CACNA1C: variants seen among roughly 807,000 people sequenced by gnomAD.
CACNA1C encodes voltage-dependent L-type calcium channel subunit alpha-1C.
In CACNA1C, 30 loss-of-function variants were observed where a neutral mutation model predicts 229.0. The ratio of observed to expected loss-of-function variants is 0.13; its 90% CI spans 0.10 to 0.18. The LOEUF (loss-of-function observed/expected upper bound fraction) is 0.18. Ranked by LOEUF, CACNA1C falls within the 10% of genes least tolerant of loss-of-function variation. CACNA1C has a pLI of 1.00. For synonymous variants in CACNA1C, 1,114 were observed against 1,132.5 expected (o/e 0.98, Z 0.33); for missense variants, 1,658 against 2,845.0 (o/e 0.58, Z 9.49).
At chr12:2,227,952 C>G (rs2063510955) in intron 3 of CACNA1C, among the ~76,000 whole-genome samples, 1 of 152,166 alleles carries the variant, frequency 6.6e-6, no homozygotes, top group Non-Finnish European at 1.5e-5. Flanking sequence ...AACAACTGCC[C>G]TGACCTGGTG....
chr12:2,495,073 A>G (rs1482747371), intron 7 of CACNA1C, among the ~76,000 whole-genome samples: 1 of 152,238 alleles, frequency 6.6e-6, no homozygotes, highest in African/African-American at 2.4e-5. Flanking sequence ...AAAGAAGACA[A>G]AGGTCAGAAC....
chr12:2,128,742 G>C (rs963087256), intron 3 of CACNA1C, among the ~76,000 whole-genome samples: 6 of 152,192 alleles, frequency 3.9e-5, no homozygotes, highest in African/African-American at 7.2e-5. Flanking sequence ...ACTTCTCCAA[G>C]CCTCTAACAC....
rs1019730807 is a variant in CACNA1C at position 2,054,008 on chromosome 12, G to A, written c.49+397G>A. 1.4e-5 allele frequency among the ~76,000 whole-genome samples: 2 copies of A among 147,502 alleles called. No homozygotes were observed. Among genetic ancestry groups the A allele is most frequent in the Non-Finnish European group, 3.0e-5 (2 of 66,408 alleles). On this transcript the variant is annotated intron_variant, in intron 1 of 46. Transcript: ENST00000399655. The surrounding 1 kb of genome is among the most constrained non-coding windows in gnomAD (Gnocchi z 5.5). ...GCGCCGCGGAGCCCAGAGGCCCGGG[G>A]TCCCTCGCCCGGCTCGGGGCGCGGC...
intron 11 of CACNA1C, among the ~76,000 whole-genome samples, chr12:2,560,350 A>G (rs992087053): frequency 6.6e-6 from 1 of 152,242 alleles, no homozygotes; most frequent in Non-Finnish European, 1.5e-5. Flanking sequence ...TTCCTTTGCA[A>G]AACAGAATGA....
At chr12:2,160,539 C>T (rs928959394) in intron 3 of CACNA1C, among the ~76,000 whole-genome samples, 2 of 152,136 alleles carry the variant, frequency 1.3e-5, no homozygotes, top group Non-Finnish European at 2.9e-5. Context: ...CAGTAGTTTG[C>T]GTCTTGAAGA....
chr12:2,557,466 A>T (rs2045050452), intron 11 of CACNA1C, among the ~76,000 whole-genome samples: 1 of 152,122 alleles, frequency 6.6e-6, no homozygotes, highest in South Asian at 2.1e-4. Flanking sequence ...TCCCAGCCTC[A>T]CTTCCTGCAC....
chr12:2,502,273 G>T (rs985823993), intron 7 of CACNA1C, among the ~76,000 whole-genome samples: 4 of 152,238 alleles, frequency 2.6e-5, no homozygotes, highest in African/African-American at 9.6e-5. Flanking sequence ...CACTCAAAGA[G>T]CGTTAGCTGA....
At chr12:2,379,173 G>T (rs2098163968) in intron 3 of CACNA1C, among the ~76,000 whole-genome samples, 1 of 152,228 alleles carries the variant, frequency 6.6e-6, no homozygotes, top group African/African-American at 2.4e-5. Context: ...TGGCAGGGCA[G>T]GGAGGCACAA....
intron 1 of CACNA1C, among the ~76,000 whole-genome samples, chr12:2,039,217 G>A (rs2049671196): frequency 6.6e-6 from 1 of 152,138 alleles, no homozygotes; most frequent in Admixed American, 6.5e-5. Context: ...ATGATGAGAG[G>A]ACAAGTGTAA....
rs1372800034 is a variant in CACNA1C, at chr12:2,319,053, T to TC, written c.478-129921dup. 8.6e-5 allele frequency among the ~76,000 whole-genome samples: 13 copies of TC among 152,004 alleles called. No individual in the cohort carries two copies. Among genetic ancestry groups the TC allele is most frequent in the Non-Finnish European group, 1.6e-4 (11 of 67,996 alleles). On this transcript the variant is annotated intron_variant, in intron 3 of 46. Transcript: ENST00000399655. This position sits in a 1 kb window ranked among gnomAD's most constrained non-coding sequence, Gnocchi z 4.0. Reference sequence around the variant, plus strand: ...TGTTTCCAAGGACCAATCTTTACTCTCCAGAGTGGGGCTTGTGAGTCTCTC... The same window carrying TC: ...TGTTTCCAAGGACCAATCTTTACTCTCCCAGAGTGGGGCTTGTGAGTCTCTC...
chr12:2,538,884 A>C (rs957576848), intron 9 of CACNA1C, among the ~76,000 whole-genome samples: 30 of 152,358 alleles, frequency 2.0e-4, no homozygotes, highest in Non-Finnish European at 3.5e-4. Context: ...GGGAAGTAAC[A>C]CAGCCCAGTT....
At chr12:2,490,708 A>G (rs1262008115) in intron 6 of CACNA1C, among the ~76,000 whole-genome samples, 1 of 152,136 alleles carries the variant, frequency 6.6e-6, no homozygotes, top group Non-Finnish European at 1.5e-5. Context: ...TTTTTGTAGC[A>G]TCACATCCAA....
chr12:1,973,786 A>ACTTATTCTGCT (rs1338044805), intron 1 of CACNA1C, among the ~76,000 whole-genome samples: 1 of 152,202 alleles, frequency 6.6e-6, no homozygotes, highest in African/African-American at 2.4e-5. Context: ...AATAGAAACA[A>ACTTATTCTGCT]CTTATTCTGC....
At chr12:2,284,482 G>C (rs184059330) in intron 3 of CACNA1C, among the ~76,000 whole-genome samples, 1 of 152,154 alleles carries the variant, frequency 6.6e-6, no homozygotes, top group Non-Finnish European at 1.5e-5. Context: ...GGACCCAGGC[G>C]CAGCACAGAA....
chr12:2,146,472 G>C (rs2094718091), intron 3 of CACNA1C, among the ~76,000 whole-genome samples: 1 of 151,164 alleles, frequency 6.6e-6, no homozygotes, highest in South Asian at 2.1e-4. Flanking sequence ...TGAGGAGTCA[G>C]GTTACTTGGA....
chr12:2,353,093 C>A (rs2097254276), intron 3 of CACNA1C, among the ~76,000 whole-genome samples: 1 of 152,128 alleles, frequency 6.6e-6, no homozygotes, highest in Non-Finnish European at 1.5e-5. Flanking sequence ...GGCGAGGTCA[C>A]CTGTGGAATT....
At chr12:2,373,304 C>T (rs1210400042) in intron 3 of CACNA1C, among the ~76,000 whole-genome samples, 4 of 152,166 alleles carry the variant, frequency 2.6e-5, no homozygotes, top group Non-Finnish European at 5.9e-5. Context: ...ACCCTGAGCA[C>T]TGAATAACAC....
At chr12:2,171,660 G>A (rs1378212377) in intron 3 of CACNA1C, among the ~76,000 whole-genome samples, 1 of 152,166 alleles carries the variant, frequency 6.6e-6, no homozygotes, top group Non-Finnish European at 1.5e-5. Flanking sequence ...TGCTGGAAAT[G>A]CAGTGAAGAA....
Position 2,085,042 on chromosome 12 carries a change from A to G in CACNA1C, c.50-30182A>G, listed in dbSNP as rs566732626. Among the ~76,000 whole-genome samples the G allele has an allele frequency of 6.6e-5, 10 of 152,318 alleles. No homozygotes were observed. In the East Asian group the frequency reaches 1.2e-3, roughly 18 times the overall value. ...TTGTCTTCATCCAACTTTTTAATTT[A>G]GTGTTCAAAAGGCTAGAGCCAAAGA... On this transcript the variant is annotated intron_variant, in intron 1 of 46. Transcript: ENST00000399655.
Sources: gnomAD v4.1 joint callset for allele counts (sites outside exome capture counted in the v4.1 genomes callset) on GRCh38, gnomAD v4.1.1 for gene constraint, Gnocchi (gnomAD v3.1) non-coding constraint, MANE v1.5 for transcripts, NCBI Gene and HGNC (gene_info 2026-07-23, HGNC 2026-07-21) for gene names.